Variants in MAP4K5 observed in about 807,000 individuals in gnomAD.
MAP4K5 encodes the protein mitogen-activated protein kinase kinase kinase kinase 5, also known as MAPK/ERK kinase kinase kinase 5.
Under a neutral mutation model 135.6 loss-of-function variants are expected in MAP4K5, and 82 were observed. That is an observed-to-expected ratio of 0.60 (90% CI 0.51 to 0.73). The LOEUF (loss-of-function observed/expected upper bound fraction) is 0.73. Among genes scored for constraint, MAP4K5 ranks in the 30% least tolerant of loss-of-function variants. The pLI is 0.00. For synonymous variants in MAP4K5, 347 were observed against 335.0 expected (o/e 1.04, Z -0.39); for missense variants, 907 against 1,010.9 (o/e 0.90, Z 1.39).
intron 1 of MAP4K5, among the ~76,000 whole-genome samples, chr14:50,546,338 G>A (rs2038631113): frequency 6.6e-6 from 1 of 151,944 alleles, no homozygotes; most frequent in Non-Finnish European, 1.5e-5. Context: ...CTATCTCATG[G>A]CTAGAGTTCT....
At chr14:50,437,716 A>T (rs2036128589) in intron 25 of MAP4K5, among the ~76,000 whole-genome samples, 178 bp downstream of exon 25, 1 of 152,152 alleles carries the variant, frequency 6.6e-6, no homozygotes, top group Non-Finnish European at 1.5e-5. Context: ...TAAAACTTCC[A>T]CAGTTGATTC....
At chr14:50,490,294 A>C (rs2037456868) in intron 3 of MAP4K5, among the ~76,000 whole-genome samples, 1 of 152,176 alleles carries the variant, frequency 6.6e-6, no homozygotes. Context: ...GTCCTAATTA[A>C]AATGATAAAT....
Position 50,419,427 on chromosome 14 carries a change from T to G in MAP4K5, c.*592A>C, listed in dbSNP as rs1455126904. 6.6e-6 allele frequency: 1 copy of G among 152,602 alleles called. No homozygotes were observed. Among genetic ancestry groups the G allele is most frequent in the Non-Finnish European group, 1.5e-5 (1 of 68,050 alleles). The allele number at this position is 152,602 out of a possible 1,614,324, so 9.5% of individuals were successfully genotyped here. A position where few individuals can be genotyped will look rare whatever the true frequency, so the allele number is the denominator to read the frequency against. On this transcript the variant is annotated 3_prime_UTR_variant, in exon 33 of 33. Transcript: ENST00000682126. The stretch of plus-strand genomic sequence containing the variant: ...TGAACCCCCAAACACTCAAAGTACT[T>G]TACTACTCTTAAAAGATAAACAAAA...
rs774659845 is a variant in MAP4K5 at position 50,435,046 on chromosome 14, T to C, written c.1902A>G (p.Gly634=). 4 of 1,608,676 alleles carry C rather than the reference T, an allele frequency of 2.5e-6. No individual in the cohort carries two copies. In the Admixed American group the frequency reaches 5.0e-5, roughly 20 times the overall value. Residue 634 remains glycine, a synonymous_variant, in exon 27 of 33, where the codon GGA becomes GGG. Transcript: ENST00000682126. ...GTAAAGCTCCACAGAGGTATTTATG[T>C]CCCGTGTAAGGGTTTCTGACTGGAA... is the stretch of plus-strand genomic sequence containing the variant. ...KCCIVRNPYT[G]HKYLCGALQS... is the part of the protein sequence containing the mutation.
chr14:50,435,810 A>G (rs1040785467), intron 26 of MAP4K5, among the ~76,000 whole-genome samples: 1 of 152,096 alleles, frequency 6.6e-6, no homozygotes, highest in African/African-American at 2.4e-5. Context: ...AAAAATTCAT[A>G]TTGCTCTTTC....
At chr14:50,470,027 T>A (rs1341589124) in intron 9 of MAP4K5, among the ~76,000 whole-genome samples, 1 of 152,196 alleles carries the variant, frequency 6.6e-6, no homozygotes, top group South Asian at 2.1e-4. Context: ...ACAATGGATA[T>A]AGGAGTAAGG....
chr14:50,421,954 C>T (rs1255510007), intron 32 of MAP4K5, among the ~76,000 whole-genome samples: 1 of 150,388 alleles, frequency 6.6e-6, no homozygotes, highest in Non-Finnish European at 1.5e-5. Context: ...TGCAGTGGTG[C>T]GATCTTGGCT....
intron 6 of MAP4K5, among the ~76,000 whole-genome samples, chr14:50,477,085 T>C (rs1468223615): frequency 6.6e-6 from 1 of 152,228 alleles, no homozygotes; most frequent in Non-Finnish European, 1.5e-5. Context: ...AGAATTATCA[T>C]CTCAACAGTA....
intron 3 of MAP4K5, among the ~76,000 whole-genome samples, chr14:50,491,151 T>A (rs973428358): frequency 1.3e-5 from 2 of 151,982 alleles, no homozygotes; most frequent in Non-Finnish European, 2.9e-5. Context: ...CAAAAAAAGG[T>A]ACTAGGCATT....
intron 10 of MAP4K5, among the ~76,000 whole-genome samples, chr14:50,467,434 TTA>T (rs2036857546): frequency 6.6e-6 from 1 of 152,078 alleles, no homozygotes; most frequent in Non-Finnish European, 1.5e-5. Flanking sequence ...TCTAATCTTT[TTA>T]GTCTTTATCT....
chr14:50,473,716 CTTTTTTT>C (rs398077753), intron 9 of MAP4K5, among the ~76,000 whole-genome samples: 35 of 95,448 alleles, frequency 3.7e-4, no homozygotes, highest in East Asian at 1.0e-3. Flanking sequence ...TTTGGTTTCA[CTTTTTTT>C]TTTTTTTTTT....
At chr14:50,518,725 T>G (rs889298293) in intron 2 of MAP4K5, among the ~76,000 whole-genome samples, 5 of 152,248 alleles carry the variant, frequency 3.3e-5, no homozygotes, top group African/African-American at 1.2e-4. Context: ...CTCATCTGTC[T>G]CTGAAAAGGT....
At chr14:50,524,367 G>A (rs749552480) in intron 2 of MAP4K5, among the ~76,000 whole-genome samples, 3 of 151,854 alleles carry the variant, frequency 2.0e-5, no homozygotes, top group East Asian at 1.9e-4. Context: ...TTGCTTACAT[G>A]ACCACTATGC....
intron 3 of MAP4K5, 25 bp downstream of exon 3, chr14:50,504,775 T>C: frequency 1.3e-6 from 2 of 1,495,262 alleles, no homozygotes; most frequent in Admixed American, 2.2e-5. Flanking sequence ...CCCTCAAAAA[T>C]TGTCTTGAGG....
chr14:50,529,657 T>C lies in MAP4K5; in HGVS notation c.108+2285A>G, dbSNP rs1051548523. On this transcript the variant is annotated intron_variant, in intron 2 of 32. Coordinates refer to ENST00000682126, the MANE Select transcript of MAP4K5 (RefSeq NM_006575.6). Reference sequence around the variant, plus strand: ...AACAAGAAAAAAATAAGTAAAACATTATGTTGGTGATAAGTACAAAGCAAA... The same window carrying C: ...AACAAGAAAAAAATAAGTAAAACATCATGTTGGTGATAAGTACAAAGCAAA... 1.3e-4 allele frequency among the ~76,000 whole-genome samples: 19 copies of C among 150,350 alleles called. No homozygotes were observed. In the South Asian group the frequency reaches 3.2e-3, roughly 25 times the overall value.
At chr14:50,520,109 A>G (rs186703860) in intron 2 of MAP4K5, among the ~76,000 whole-genome samples, 1 of 152,294 alleles carries the variant, frequency 6.6e-6, no homozygotes, top group Non-Finnish European at 1.5e-5. Flanking sequence ...TCACACCTGT[A>G]ATCCTAGGAC....
At chr14:50,558,917 C>A (rs538706563) in intron 1 of MAP4K5, among the ~76,000 whole-genome samples, 5,656 of 152,300 alleles carry the variant, frequency 0.037, 100 homozygotes, top group Middle Eastern at 0.058. Context: ...GTTCACGACT[C>A]TGCAGTCACT....
chr14:50,481,368 T>C (rs79161696), intron 6 of MAP4K5, among the ~76,000 whole-genome samples: 5,114 of 151,554 alleles, frequency 0.034, 91 homozygotes, highest in Middle Eastern at 0.058. Flanking sequence ...GCAGTGTTTA[T>C]GTCTTTTAAA....
At chr14:50,471,351 G>A (rs1286476221) in intron 9 of MAP4K5, among the ~76,000 whole-genome samples, 2 of 152,102 alleles carry the variant, frequency 1.3e-5, no homozygotes, top group Non-Finnish European at 2.9e-5. Context: ...AGCAGTGAGA[G>A]TAAAGAAGGA....
Sources: gnomAD v4.1 joint callset for allele counts (sites outside exome capture counted in the v4.1 genomes callset) on GRCh38, gnomAD v4.1.1 for gene constraint, MANE v1.5 for transcripts, NCBI Gene and HGNC (gene_info 2026-07-23, HGNC 2026-07-21) for gene names.